NR2F1-AS1: variants seen among roughly 807,000 people sequenced by gnomAD.
NR2F1-AS1 encodes NR2F1 regulatory antisense RNA 1.
chr5:93,432,146 TG>T (rs1382470429), intron 4 of NR2F1-AS1, among the ~76,000 whole-genome samples: 2 of 152,296 alleles, frequency 1.3e-5, no homozygotes, highest in East Asian at 3.9e-4. Context: ...TGCTTTTCAT[TG>T]GGCAGAACTG....
intron 4 of NR2F1-AS1, among the ~76,000 whole-genome samples, chr5:93,503,148 G>A (rs542032161): frequency 6.6e-6 from 1 of 152,182 alleles, no homozygotes; most frequent in African/African-American, 2.4e-5. Context: ...CCCAAAATTT[G>A]AAAGTAAAAT....
At chr5:93,566,551 G>A (rs891489093) in intron 1 of NR2F1-AS1, among the ~76,000 whole-genome samples, 17 of 152,082 alleles carry the variant, frequency 1.1e-4, no homozygotes, top group African/African-American at 3.1e-4. Flanking sequence ...ACTGCTTTCA[G>A]AACACAAGAA....
intron 4 of NR2F1-AS1, among the ~76,000 whole-genome samples, chr5:93,499,380 A>T (rs1178548366): frequency 1.3e-5 from 2 of 152,118 alleles, no homozygotes; most frequent in East Asian, 3.8e-4. Flanking sequence ...TTCCAACAGC[A>T]TATGCTCACT....
At chr5:93,454,631 C>G (rs988586142) in intron 4 of NR2F1-AS1, among the ~76,000 whole-genome samples, 3 of 152,148 alleles carry the variant, frequency 2.0e-5, no homozygotes, top group African/African-American at 7.2e-5. Context: ...AGAATGGGGA[C>G]TGGTTGCCAG....
chr5:93,430,891 C>CATCATCATCATCATCATCATCATT (rs1253893073), intron 4 of NR2F1-AS1, among the ~76,000 whole-genome samples: 1 of 151,994 alleles, frequency 6.6e-6, no homozygotes, highest in African/African-American at 2.4e-5. Flanking sequence ...TCATCATCAT[C>CATCATCATCATCATCATCATCATT]ATGGTGAGTG....
chr5:93,510,802 T>C (rs1751279312), intron 4 of NR2F1-AS1, among the ~76,000 whole-genome samples: 1 of 152,160 alleles, frequency 6.6e-6, no homozygotes, highest in African/African-American at 2.4e-5. Context: ...GTGCTATTCA[T>C]CCATACAACT....
At chr5:93,507,547 G>A (rs1300293276) in intron 4 of NR2F1-AS1, among the ~76,000 whole-genome samples, 1 of 151,950 alleles carries the variant, frequency 6.6e-6, no homozygotes, top group Non-Finnish European at 1.5e-5. Flanking sequence ...TAGTAGACAC[G>A]AGGTTTTACC....
rs918503970 is a variant in NR2F1-AS1, at chr5:93,438,234, A to G, written n.639-42692T>C. ...TTTGAGTAATAAACTGTCTAAATCTATCTAGGCTCATTGTCTCCTTTTCAA... is the reference window on the plus strand; with the variant it reads ...TTTGAGTAATAAACTGTCTAAATCTGTCTAGGCTCATTGTCTCCTTTTCAA... On this transcript the variant is annotated intron_variant and non_coding_transcript_variant, in intron 4 of 5. Transcript: ENST00000660523. Among the ~76,000 whole-genome samples, 3 of 152,342 alleles carry G rather than the reference A, an allele frequency of 2.0e-5. No individual in the cohort carries two copies. The South Asian group carries it at 6.2e-4, about 32-fold the overall frequency.
intron 4 of NR2F1-AS1, among the ~76,000 whole-genome samples, chr5:93,476,195 C>T (rs1216935757): frequency 6.6e-6 from 1 of 152,252 alleles, no homozygotes; most frequent in African/African-American, 2.4e-5. Context: ...TGTGAACATG[C>T]ATGTCATAAA....
chr5:93,418,006 T>C (rs1436796878), intron 4 of NR2F1-AS1, among the ~76,000 whole-genome samples: 1 of 152,182 alleles, frequency 6.6e-6, no homozygotes, highest in Non-Finnish European at 1.5e-5. Flanking sequence ...TTTCTTTTCT[T>C]TAGGCCAACT....
At chr5:93,524,536 A>T (rs903978318) in intron 4 of NR2F1-AS1, among the ~76,000 whole-genome samples, 1 of 152,192 alleles carries the variant, frequency 6.6e-6, no homozygotes, top group African/African-American at 2.4e-5. Context: ...GAGAAGAACA[A>T]CCCCAAGACA....
intron 4 of NR2F1-AS1, among the ~76,000 whole-genome samples, chr5:93,475,853 G>T (rs1013958423): frequency 5.3e-5 from 8 of 152,160 alleles, no homozygotes; most frequent in Non-Finnish European, 1.0e-4. Context: ...TAACTAAAAT[G>T]CTATAATTCC....
At chr5:93,448,449 C>T (rs1257508709) in intron 4 of NR2F1-AS1, among the ~76,000 whole-genome samples, 1 of 152,160 alleles carries the variant, frequency 6.6e-6, no homozygotes, top group South Asian at 2.1e-4. Flanking sequence ...TGGCTGGTCT[C>T]GTGGCTCTTT....
chr5:93,413,734 A>C (rs978719289), intron 4 of NR2F1-AS1, among the ~76,000 whole-genome samples: 3 of 152,234 alleles, frequency 2.0e-5, no homozygotes, highest in African/African-American at 7.2e-5. Context: ...TTCTTAAAAA[A>C]AACTTACTGA....
At chr5:93,549,862 G>C (rs1752184138) in intron 4 of NR2F1-AS1, among the ~76,000 whole-genome samples, 1 of 151,990 alleles carries the variant, frequency 6.6e-6, no homozygotes. Context: ...ACTAACACAG[G>C]AACAGAAAAC....
chr5:93,512,397 A>C (rs1227573219), intron 4 of NR2F1-AS1, among the ~76,000 whole-genome samples: 1 of 152,178 alleles, frequency 6.6e-6, no homozygotes, highest in African/African-American at 2.4e-5. Flanking sequence ...GTTATTACAA[A>C]AGAGTCAAAA....
chr5:93,519,435 C>G (rs1452157163), intron 4 of NR2F1-AS1, among the ~76,000 whole-genome samples: 1 of 151,990 alleles, frequency 6.6e-6, no homozygotes, highest in Non-Finnish European at 1.5e-5. Context: ...TATAGCCACA[C>G]TAATATTCAC....
intron 1 of NR2F1-AS1, chr5:93,570,912 G>A (rs1275138630): frequency 1.3e-5 from 2 of 152,254 alleles, no homozygotes; most frequent in Non-Finnish European, 2.9e-5. Context: ...CAGGGAAAGG[G>A]GTGGGAGGGG....
chr5:93,536,070 G>A (rs1224379661), intron 4 of NR2F1-AS1, among the ~76,000 whole-genome samples: 1 of 151,988 alleles, frequency 6.6e-6, no homozygotes, highest in Admixed American at 6.6e-5. Context: ...CAAAAAAATT[G>A]TTAGAATAAA....
Sources: gnomAD v4.1 joint callset for allele counts (sites outside exome capture counted in the v4.1 genomes callset) on GRCh38, gnomAD v4.1.1 for gene constraint, MANE v1.5 for transcripts, NCBI Gene and HGNC (gene_info 2026-07-23, HGNC 2026-07-21) for gene names.